MTMR8: variants seen among roughly 807,000 people sequenced by gnomAD.
The protein encoded by MTMR8 is myotubularin related protein 8.
MTMR8 carries 65 observed loss-of-function variants against 39.3 expected under a neutral mutation model. The observed-to-expected ratio is 1.65, with a 90% CI of 1.35 to 2.03. The LOEUF (loss-of-function observed/expected upper bound fraction) is 2.03. Among genes scored for constraint, MTMR8 ranks in the 30% most tolerant of loss-of-function variants. The probability of loss-of-function intolerance (pLI) is 0.00; values close to 1 mark genes in which losing one functional copy is unlikely to be tolerated. For synonymous variants in MTMR8, 245 were observed against 185.2 expected (o/e 1.32, Z -2.62); for missense variants, 777 against 538.9 (o/e 1.44, Z -4.37).
intron 12 of MTMR8, among the ~76,000 whole-genome samples, chrX:64,315,137 G>A (rs1028854950): frequency 3.6e-5 from 4 of 112,122 alleles, no homozygotes; most frequent in African/African-American, 1.3e-4. Flanking sequence ...TGGCTGGCAT[G>A]CTGCCCCTAA....
At chrX:64,352,893 T>G (rs1923520137) in intron 4 of MTMR8, among the ~76,000 whole-genome samples, 1 of 111,430 alleles carries the variant, frequency 9.0e-6, no homozygotes, top group Non-Finnish European at 1.9e-5. Context: ...AATATATATA[T>G]ATATGTTCCT....
intron 12 of MTMR8, among the ~76,000 whole-genome samples, chrX:64,302,148 G>A (rs1424479287): frequency 8.9e-6 from 1 of 112,646 alleles, no homozygotes; most frequent in Non-Finnish European, 1.9e-5. Flanking sequence ...GGCAATGGCG[G>A]GCGCCCCTCC....
chrX:64,360,058 C>A (rs1382360969), intron 1 of MTMR8, among the ~76,000 whole-genome samples: 1 of 109,632 alleles, frequency 9.1e-6, no homozygotes, highest in African/African-American at 3.3e-5. Flanking sequence ...ATTAAACTTA[C>A]CAATTAAAAG....
chrX:64,375,099 C>A (rs899079129), intron 1 of MTMR8, among the ~76,000 whole-genome samples: 2 of 106,055 alleles, frequency 1.9e-5, no homozygotes, highest in Non-Finnish European at 3.9e-5. Context: ...GTGGCTCACA[C>A]TTGTAATCCC....
chrX:64,273,679 GA>G (rs1484450468), intron 12 of MTMR8, among the ~76,000 whole-genome samples: 1 of 111,155 alleles, frequency 9.0e-6, no homozygotes, highest in Non-Finnish European at 1.9e-5. Flanking sequence ...AATAGTTTAA[GA>G]AAAACATCCT....
chrX:64,297,082 T>A (rs1341051246), intron 12 of MTMR8, among the ~76,000 whole-genome samples: 1 of 91,167 alleles, frequency 1.1e-5, no homozygotes, highest in Non-Finnish European at 2.2e-5. Context: ...TTATAGTCCT[T>A]TGGGTATATA....
intron 1 of MTMR8, among the ~76,000 whole-genome samples, chrX:64,383,598 G>A (rs769596107): frequency 2.5e-4 from 28 of 109,992 alleles, no homozygotes; most frequent in Non-Finnish European, 4.5e-4. Flanking sequence ...GAGGGAGCAG[G>A]CACTCACACT....
chrX:64,283,915 G>A (rs780766274), intron 12 of MTMR8, among the ~76,000 whole-genome samples: 13 of 112,313 alleles, frequency 1.2e-4, no homozygotes, highest in Non-Finnish European at 2.1e-4. Context: ...AAATCAGAGC[G>A]CCTCTCCTTC....
chrX:64,301,580 CAA>C (rs1921877686), intron 12 of MTMR8, among the ~76,000 whole-genome samples: 1 of 112,101 alleles, frequency 8.9e-6, no homozygotes, highest in African/African-American at 3.2e-5. Context: ...CTCAGCTCGT[CAA>C]AGTCATTCTC....
rs780530014 is a variant in MTMR8, at chrX:64,297,664, T to C, written c.1482-26591A>G. On this transcript the variant is annotated intron_variant, in intron 12 of 13. Coordinates refer to ENST00000374852, the MANE Select transcript of MTMR8 (RefSeq NM_017677.4). ...GACATGAAGTCCTTGCCCATGCCTA[T>C]GTCCTGAATGGTAATGCCTAGGTTT... Among the ~76,000 whole-genome samples, 15 of 99,150 alleles carry C rather than the reference T, an allele frequency of 1.5e-4. No individual in the cohort carries two copies. The East Asian group carries it at 4.6e-3, about 31-fold the overall frequency. The allele number at this position is 99,150 out of a possible 115,157, so 86.1% of individuals were successfully genotyped here.
intron 12 of MTMR8, among the ~76,000 whole-genome samples, chrX:64,299,216 T>C (rs1219359554): frequency 3.6e-5 from 3 of 82,551 alleles, no homozygotes; most frequent in South Asian, 7.5e-4. Context: ...TCCTGGACTC[T>C]TTTTGGTTGG....
intron 12 of MTMR8, among the ~76,000 whole-genome samples, chrX:64,289,062 TACA>T (rs968113027): frequency 2.3e-4 from 25 of 109,753 alleles, no homozygotes; most frequent in East Asian, 2.0e-3. Context: ...TAAAAACTTC[TACA>T]ACAACAACAA....
chrX:64,305,980 G>T (rs1162162294), intron 12 of MTMR8: 1 of 193,464 alleles, frequency 5.2e-6, no homozygotes, highest in Non-Finnish European at 9.7e-6. Context: ...GCTGGGTGTG[G>T]TGGCACGCAC....
At chrX:64,315,290 A>T (rs1426415978) in intron 12 of MTMR8, among the ~76,000 whole-genome samples, 1 of 111,712 alleles carries the variant, frequency 9.0e-6, no homozygotes, top group Non-Finnish European at 1.9e-5. Flanking sequence ...TGTTGTTAGG[A>T]GCCAGTAACA....
chrX:64,341,308 G>A (rs982101391), intron 8 of MTMR8, among the ~76,000 whole-genome samples: 7 of 110,304 alleles, frequency 6.3e-5, no homozygotes, highest in Non-Finnish European at 1.1e-4. Context: ...GCAAAACCCC[G>A]TCTCTGCTAA....
intron 10 of MTMR8, among the ~76,000 whole-genome samples, chrX:64,333,442 G>A (rs757072886): frequency 1.8e-5 from 2 of 111,628 alleles, no homozygotes; most frequent in African/African-American, 3.2e-5. Context: ...AATCTCCATG[G>A]AAAAGGTGTT....
intron 8 of MTMR8, 131 bp from the exon 9 acceptor site, chrX:64,337,524 A>G (rs1923110987): frequency 3.1e-6 from 2 of 654,771 alleles, no homozygotes; most frequent in East Asian, 7.2e-5. Context: ...TTTTCTCATA[A>G]CATTAACATC....
intron 12 of MTMR8, among the ~76,000 whole-genome samples, chrX:64,283,386 C>A (rs1163765036): frequency 1.8e-5 from 2 of 112,189 alleles, no homozygotes; most frequent in Non-Finnish European, 3.8e-5. Context: ...TCTGTACACT[C>A]CACCTCTGGG....
intron 1 of MTMR8, among the ~76,000 whole-genome samples, chrX:64,369,767 A>T (rs754637533): frequency 6.1e-4 from 68 of 110,960 alleles, no homozygotes; most frequent in South Asian, 1.5e-3. Context: ...GTATAATTTT[A>T]AAAAAAAATT....
Sources: gnomAD v4.1 joint callset for allele counts (sites outside exome capture counted in the v4.1 genomes callset) on GRCh38, gnomAD v4.1.1 for gene constraint, MANE v1.5 for transcripts, NCBI Gene and HGNC (gene_info 2026-07-23, HGNC 2026-07-21) for gene names.